The following CTDSPL2 variants were observed in gnomAD, a reference collection of about 807,000 sequenced individuals.
CTDSPL2 encodes CTD small phosphatase-like protein 2.
In CTDSPL2, 5 loss-of-function variants were observed where a neutral mutation model predicts 60.0. The ratio of observed to expected loss-of-function variants is 0.08; its 90% CI spans 0.04 to 0.18. The LOEUF is 0.18. Among genes scored for constraint, CTDSPL2 ranks in the 10% least tolerant of loss-of-function variants. The pLI is 1.00. For missense variants in CTDSPL2, 370 were observed against 548.8 expected (o/e 0.67, Z 3.26); for synonymous variants, 186 against 189.3 (o/e 0.98, Z 0.14).
At chr15:44,455,189 G>A (rs1318054638) in intron 1 of CTDSPL2, among the ~76,000 whole-genome samples, 1 of 152,136 alleles carries the variant, frequency 6.6e-6, no homozygotes, top group Admixed American at 6.6e-5. Flanking sequence ...TGAAGCAATT[G>A]TGAATGGGAA....
At chr15:44,496,915 G>A in intron 6 of CTDSPL2, 112 bp from the exon 7 acceptor site, 1 of 562,558 alleles carries the variant, frequency 1.8e-6, no homozygotes, top group Non-Finnish European at 3.2e-6. Flanking sequence ...TGTTTTATAA[G>A]TTTTGTTTTC....
chr15:44,481,326 T>G (rs1172639247), intron 2 of CTDSPL2, among the ~76,000 whole-genome samples: 1 of 152,236 alleles, frequency 6.6e-6, no homozygotes, highest in Non-Finnish European at 1.5e-5. Context: ...TGTTCTAAAG[T>G]GACCGCCTTA....
chr15:44,436,592 C>T (rs1416163188), intron 1 of CTDSPL2, among the ~76,000 whole-genome samples: 3 of 152,212 alleles, frequency 2.0e-5, no homozygotes, highest in Non-Finnish European at 4.4e-5. Context: ...TCACAGCTAA[C>T]TAATGATAGA....
At chr15:44,498,567 C>A (rs950591548) in intron 7 of CTDSPL2, among the ~76,000 whole-genome samples, 2 of 151,710 alleles carry the variant, frequency 1.3e-5, no homozygotes, top group Admixed American at 6.6e-5. Context: ...GCCTGGGCAA[C>A]AAAGTGAGAT....
rs141730758 is a variant in CTDSPL2, at chr15:44,506,468, G to A, written c.969+6655G>A. 1.6e-3 allele frequency among the ~76,000 whole-genome samples: 226 copies of A among 142,058 alleles called. 1 individual carries two copies. Among genetic ancestry groups the A allele is most frequent in the African/African-American group, 5.6e-3 (208 of 37,338 alleles). 93.2% of individuals were successfully genotyped at this position (142,058 alleles called of 152,430 possible). The stretch of plus-strand genomic sequence containing the variant: ...GTGTCGCTGTGTCACCCAGACTGGA[G>A]TGCATTGACACAATCTCTGCTCACT... On this transcript the variant is annotated intron_variant, in intron 8 of 12. Coordinates refer to ENST00000260327, the MANE Select transcript of CTDSPL2 (RefSeq NM_016396.3).
intron 2 of CTDSPL2, among the ~76,000 whole-genome samples, chr15:44,473,018 A>G (rs1279747016): frequency 6.6e-6 from 1 of 152,096 alleles, no homozygotes; most frequent in African/African-American, 2.4e-5. Flanking sequence ...GCTGATATCA[A>G]ACTCCTGGGC....
At chr15:44,486,485 A>T in intron 3 of CTDSPL2, 66 bp from the exon 4 acceptor site, 1 of 1,163,446 alleles carries the variant, frequency 8.6e-7, no homozygotes. Context: ...ATAATGAATG[A>T]TTTATAACAC....
intron 2 of CTDSPL2, among the ~76,000 whole-genome samples, chr15:44,469,275 G>A (rs1165506050): frequency 6.6e-6 from 1 of 152,148 alleles, no homozygotes; most frequent in Non-Finnish European, 1.5e-5. Context: ...CATGTGCCAT[G>A]AAATATTATT....
At chr15:44,444,302 TACACACACACAC>T (rs59993417) in intron 1 of CTDSPL2, among the ~76,000 whole-genome samples, 84 of 136,278 alleles carry the variant, frequency 6.2e-4, no homozygotes, top group East Asian at 2.7e-3. Context: ...GCTTTTCCCA[TACACACACACAC>T]ACACACACAC....
chr15:44,428,145 T>C (rs1373761403), intron 1 of CTDSPL2: 1 of 153,910 alleles, frequency 6.5e-6, no homozygotes, highest in African/African-American at 2.4e-5. Flanking sequence ...GCCCACCTCA[T>C]GTTTTCAGCA....
chr15:44,463,714 C>T (rs1373818174), intron 2 of CTDSPL2, among the ~76,000 whole-genome samples: 3 of 152,092 alleles, frequency 2.0e-5, no homozygotes, highest in Non-Finnish European at 4.4e-5. Context: ...GCTTTCTTAT[C>T]TACAATGTCA....
At chr15:44,459,455 G>A (rs796407871) in intron 2 of CTDSPL2, among the ~76,000 whole-genome samples, 9 of 152,214 alleles carry the variant, frequency 5.9e-5, no homozygotes, top group African/African-American at 2.2e-4. Flanking sequence ...TGAACCCTAG[G>A]GGGCGGAGCC....
rs2081841857 is a variant in CTDSPL2 at position 44,524,514 on chromosome 15, A to C, written c.*340A>C. The C allele has an allele frequency of 5.0e-6, 1 of 199,490 alleles. No individual in the cohort carries two copies. 12.4% of individuals were successfully genotyped at this position (199,490 alleles called of 1,614,324 possible). A position where few individuals can be genotyped will look rare whatever the true frequency, so the allele number is the denominator to read the frequency against. ...ACAGGATTTTATGATAATAACAGAG[A>C]TGAAAATGGACTTTTATTTTCTCTC... On this transcript the variant is annotated 3_prime_UTR_variant, in exon 13 of 13. Coordinates refer to ENST00000260327, the MANE Select transcript of CTDSPL2 (RefSeq NM_016396.3).
intron 1 of CTDSPL2, among the ~76,000 whole-genome samples, chr15:44,435,721 C>T (rs1256753115): frequency 6.6e-6 from 1 of 151,568 alleles, no homozygotes; most frequent in Non-Finnish European, 1.5e-5. Context: ...ATTCTCCTGC[C>T]TCAGCCTCTT....
intron 11 of CTDSPL2, chr15:44,521,085 A>G (rs559702328): frequency 1.1e-5 from 3 of 263,640 alleles, no homozygotes; most frequent in East Asian, 7.4e-5. Context: ...TTAGTTTTAT[A>G]TACTCTGAGA....
rs1342994860 is a variant in CTDSPL2 at position 44,514,667 on chromosome 15, A to G, written c.1032+7A>G. ...AATGTCTCAGATGTATGAGGTAAACATGCTTAAGCTAATTACATATGTATT... is the reference window on the plus strand; with the variant it reads ...AATGTCTCAGATGTATGAGGTAAACGTGCTTAAGCTAATTACATATGTATT... On this transcript the variant is annotated splice_region_variant and intron_variant, in intron 9 of 12. Transcript: ENST00000260327. 4 of 1,597,966 alleles carry G rather than the reference A, an allele frequency of 2.5e-6. No individual in the cohort carries two copies. The highest frequency in any genetic ancestry group is 2.2e-5 in the South Asian group (2 of 90,572).
At chr15:44,432,671 G>C (rs1259947012) in intron 1 of CTDSPL2, among the ~76,000 whole-genome samples, 1 of 151,974 alleles carries the variant, frequency 6.6e-6, no homozygotes, top group African/African-American at 2.4e-5. Context: ...CCAGGCTGCA[G>C]TGCAGTGGCG....
intron 8 of CTDSPL2, chr15:44,503,904 C>T (rs905315246): frequency 2.6e-5 from 4 of 152,158 alleles, no homozygotes. Context: ...GTAAAAGATG[C>T]TTTGTTTTAT....
intron 4 of CTDSPL2, 74 bp downstream of exon 4, chr15:44,486,774 T>TTC: frequency 8.4e-7 from 1 of 1,183,820 alleles, no homozygotes; most frequent in South Asian, 1.5e-5. Context: ...TTTTTTTTTT[T>TTC]TTCTTGAGAC....
Sources: gnomAD v4.1 joint callset for allele counts (sites outside exome capture counted in the v4.1 genomes callset) on GRCh38, gnomAD v4.1.1 for gene constraint, MANE v1.5 for transcripts, NCBI Gene and HGNC (gene_info 2026-07-23, HGNC 2026-07-21) for gene names.